ABLIM1: variants seen among roughly 807,000 people sequenced by gnomAD.
ABLIM1 encodes the protein actin binding LIM protein 1, also known as actin-binding LIM protein 1.
A neutral mutation model predicts 107.0 loss-of-function variants in ABLIM1; 40 were observed. The observed-to-expected ratio is 0.37, with a 90% CI of 0.29 to 0.49. The LOEUF (loss-of-function observed/expected upper bound fraction) is 0.49, where lower values mean the gene tolerates loss of function less well. ABLIM1 is among the 20% of genes least tolerant of loss of function. ABLIM1 has a pLI of 0.97. For missense variants in ABLIM1, 857 were observed against 1,008.5 expected, an observed-to-expected ratio of 0.85 and a Z score of 2.04; for synonymous variants, 357 against 357.3, an observed-to-expected ratio of 1.00 and a Z score of 0.01.
intron 9 of ABLIM1, among the ~76,000 whole-genome samples, 166 bp downstream of exon 9, chr10:114,473,713 A>C (rs969719266): frequency 2.6e-5 from 4 of 152,196 alleles, no homozygotes; most frequent in African/African-American, 9.7e-5. Flanking sequence ...TAATTACCTA[A>C]AGGTAAAAGT....
chr10:114,574,639 A>G lies in ABLIM1; in HGVS notation c.563+777T>C, dbSNP rs377471902. Reference sequence around the variant, plus strand: ...GTATTTTTAGTAGAGACAGGGTTTCACCATGTTGGCCAGGCTGGTCTCAAA... The same window carrying G: ...GTATTTTTAGTAGAGACAGGGTTTCGCCATGTTGGCCAGGCTGGTCTCAAA... On this transcript the variant is annotated intron_variant, in intron 3 of 22. Transcript: ENST00000533213. Among the ~76,000 whole-genome samples, 21 of 152,066 alleles carry G rather than the reference A, an allele frequency of 1.4e-4. No individual in the cohort carries two copies. The East Asian group carries it at 3.9e-3, about 28-fold the overall frequency.
intron 2 of ABLIM1, among the ~76,000 whole-genome samples, chr10:114,584,645 G>A (rs2073989000): frequency 6.6e-6 from 1 of 152,112 alleles, no homozygotes; most frequent in Non-Finnish European, 1.5e-5. Context: ...TGTTCTGAAA[G>A]CAAATACTAA....
intron 1 of ABLIM1, among the ~76,000 whole-genome samples, chr10:114,615,136 C>T (rs1358171361): frequency 1.3e-5 from 2 of 152,010 alleles, no homozygotes; most frequent in East Asian, 3.9e-4. Context: ...TTTGTTAAAT[C>T]CCTTTGCCAT....
At chr10:114,742,019 CT>C (rs1457866744) in intron 1 of ABLIM1, among the ~76,000 whole-genome samples, 1 of 152,116 alleles carries the variant, frequency 6.6e-6, no homozygotes, top group East Asian at 1.9e-4. Context: ...GAATAATTAC[CT>C]TTTTGTCAAT....
At chr10:114,756,742 T>G (rs2082638301) in intron 1 of ABLIM1, among the ~76,000 whole-genome samples, 1 of 152,224 alleles carries the variant, frequency 6.6e-6, no homozygotes, top group African/African-American at 2.4e-5. Flanking sequence ...CTTCTCCATT[T>G]GGCAAATTCC....
intron 1 of ABLIM1, chr10:114,632,169 G>A: frequency 2.0e-6 from 2 of 985,350 alleles, no homozygotes; most frequent in Non-Finnish European, 2.4e-6. Flanking sequence ...CGCCCAGCTC[G>A]GGGACTCTGC....
chr10:114,724,005 C>T (rs1311283037), intron 1 of ABLIM1, among the ~76,000 whole-genome samples: 2 of 152,054 alleles, frequency 1.3e-5, no homozygotes, highest in Non-Finnish European at 2.9e-5. Context: ...AATCTTTGAC[C>T]TATATTCATT....
the ABLIM1 span, among the ~76,000 whole-genome samples, chr10:114,796,084 G>T: frequency 1.3e-4 from 20 of 152,294 alleles, no homozygotes; most frequent in East Asian, 1.7e-3. Flanking sequence ...GGAGCCCTGT[G>T]TTCTCACTTC....
upstream of ABLIM1, among the ~76,000 whole-genome samples, chr10:114,689,201 A>G (rs934213690): frequency 2.0e-5 from 3 of 152,166 alleles, no homozygotes; most frequent in Non-Finnish European, 4.4e-5. Context: ...AAGAGGCAGA[A>G]GACCCAGCTT....
chr10:114,501,712 A>G (rs2060451842), intron 6 of ABLIM1, among the ~76,000 whole-genome samples: 1 of 152,188 alleles, frequency 6.6e-6, no homozygotes, highest in South Asian at 2.1e-4. Context: ...GTTCACTGAA[A>G]AATTGGGTGG....
At chr10:114,611,461 C>T (rs1352183805) in intron 1 of ABLIM1, among the ~76,000 whole-genome samples, 1 of 129,366 alleles carries the variant, frequency 7.7e-6, no homozygotes, top group Non-Finnish European at 1.8e-5. Context: ...ACAGGTGAGA[C>T]TCTGCCTAGA....
In ABLIM1 at chr10:114,524,989, G is replaced by A. The variant is rs144703634; in HGVS notation, c.894+20016C>T. Among the ~76,000 whole-genome samples the A allele has an allele frequency of 3.4e-3, 515 of 152,342 alleles. 1 individual carries two copies. The highest frequency in any genetic ancestry group is 0.012 in the African/African-American group (490 of 41,594). On this transcript the variant is annotated intron_variant, in intron 6 of 22. Coordinates refer to ENST00000533213, the MANE Select transcript of ABLIM1 (RefSeq NM_002313.7). Reference sequence around the variant, plus strand: ...CTCCTCTCATAGACCCTTCCCCCTCGTTGGCAGCAGTAGGCCCCAAGACAG... The same window carrying A: ...CTCCTCTCATAGACCCTTCCCCCTCATTGGCAGCAGTAGGCCCCAAGACAG...
At chr10:114,476,592 C>T (rs1366083261) in intron 8 of ABLIM1, among the ~76,000 whole-genome samples, 1 of 151,220 alleles carries the variant, frequency 6.6e-6, no homozygotes, top group African/African-American at 2.4e-5. Context: ...TGCAGTGAAC[C>T]GAGATTGTGC....
chr10:114,541,555 G>A (rs551872133), intron 6 of ABLIM1, among the ~76,000 whole-genome samples: 87 of 152,126 alleles, frequency 5.7e-4, no homozygotes, highest in African/African-American at 1.9e-3. Context: ...GCTGTCACAC[G>A]TCAGTGTGAT....
upstream of ABLIM1, among the ~76,000 whole-genome samples, chr10:114,768,651 G>C (rs1407377910): frequency 2.0e-5 from 3 of 151,812 alleles, no homozygotes; most frequent in African/African-American, 7.2e-5. Flanking sequence ...CTCTCGGAAA[G>C]CCTATGGGCG....
chr10:114,547,892 GCA>G, intron 4 of ABLIM1, 116 bp from the exon 5 acceptor site: 1 of 1,352,138 alleles, frequency 7.4e-7, no homozygotes, highest in East Asian at 2.5e-5. Context: ...ATTTACTCAA[GCA>G]CCATCTCGGG....
At chr10:114,449,759 C>G (rs555424781) in intron 14 of ABLIM1, among the ~76,000 whole-genome samples, 7 of 152,198 alleles carry the variant, frequency 4.6e-5, no homozygotes, top group Admixed American at 3.3e-4. Flanking sequence ...ACAAATGTGA[C>G]TTGATTTAAA....
At chr10:114,455,374 G>A (rs1012164209) in intron 12 of ABLIM1, among the ~76,000 whole-genome samples, 2 of 152,070 alleles carry the variant, frequency 1.3e-5, no homozygotes, top group African/African-American at 4.8e-5. Context: ...TAAAAATTAT[G>A]AAATATCATC....
At chr10:114,713,083 G>C (rs556920335) in intron 1 of ABLIM1, among the ~76,000 whole-genome samples, 1 of 152,276 alleles carries the variant, frequency 6.6e-6, no homozygotes, top group Admixed American at 6.5e-5. Context: ...ATTCTTGCCC[G>C]GTTATTTCTA....
Sources: gnomAD v4.1 joint callset for allele counts (sites outside exome capture counted in the v4.1 genomes callset) on GRCh38, gnomAD v4.1.1 for gene constraint, MANE v1.5 for transcripts, NCBI Gene and HGNC (gene_info 2026-07-23, HGNC 2026-07-21) for gene names.